The following SPAG17 variants were observed in gnomAD, a reference collection of about 807,000 sequenced individuals.
The protein encoded by SPAG17 is sperm-associated antigen 17.
In SPAG17, 169 loss-of-function variants were observed where a neutral mutation model predicts 273.6. The observed-to-expected ratio is 0.62, with a 90% CI of 0.55 to 0.70. The LOEUF is 0.70. SPAG17 is among the 30% of genes least tolerant of loss of function. The pLI is 0.00. For missense variants in SPAG17, 2,557 were observed against 2,627.8 expected, an observed-to-expected ratio of 0.97 and a Z score of 0.59; for synonymous variants, 825 against 873.2, an observed-to-expected ratio of 0.94 and a Z score of 0.97.
At chr1:118,096,866 G>A (rs559954062) in intron 7 of SPAG17, among the ~76,000 whole-genome samples, 1 of 152,232 alleles carries the variant, frequency 6.6e-6, no homozygotes, top group African/African-American at 2.4e-5. Context: ...CCACTCTTGG[G>A]AAATGCCTGA....
chr1:118,138,487 C>T (rs1013850446), intron 3 of SPAG17, among the ~76,000 whole-genome samples: 38 of 152,136 alleles, frequency 2.5e-4, no homozygotes, highest in African/African-American at 8.2e-4. Flanking sequence ...AAATGTTGAC[C>T]TATATTTATA....
chr1:118,059,762 T>G (rs1286914736), intron 18 of SPAG17, among the ~76,000 whole-genome samples: 1 of 152,090 alleles, frequency 6.6e-6, no homozygotes, highest in Non-Finnish European at 1.5e-5. Context: ...ACAACCTTGA[T>G]CTCTTTTAGT....
intron 42 of SPAG17, 74 bp from the exon 43 acceptor site, chr1:117,981,475 A>C: frequency 6.9e-7 from 1 of 1,439,748 alleles, no homozygotes. Flanking sequence ...GTTTGCATGA[A>C]CAAACATTGA....
At position 117,963,833 on chromosome 1, in the gene SPAG17, C is replaced by G. The variant is rs114407595; in HGVS notation, c.6638G>C (p.Gly2213Ala). 1 of 1,613,762 alleles carries G rather than the reference C, an allele frequency of 6.2e-7. No individual in the cohort carries two copies. Residue 2213 changes from glycine to alanine, a missense_variant, in exon 48 of 49, where the codon GGA (glycine) becomes GCA (alanine). Coordinates refer to ENST00000336338, the MANE Select transcript of SPAG17 (RefSeq NM_206996.4). ...RTSTIYSSTL[G>A]VFMSRKVSPH ...AGAAACTTTACGAGACATGAAGACT[C>G]CAAGTGTGGAGGAATAAATTGTAGA...
chr1:118,001,739 C>T (rs544588607), intron 32 of SPAG17, among the ~76,000 whole-genome samples: 4 of 152,096 alleles, frequency 2.6e-5, no homozygotes, highest in African/African-American at 4.8e-5. Context: ...TCCTAATGGT[C>T]TATCAATTTT....
chr1:118,077,356 A>G (rs1571422479), intron 15 of SPAG17, among the ~76,000 whole-genome samples: 1 of 151,852 alleles, frequency 6.6e-6, no homozygotes, highest in Non-Finnish European at 1.5e-5. Flanking sequence ...CCTGAGATCC[A>G]CCCTCCAGAT....
chr1:118,080,710 A>G (rs1654479191), intron 15 of SPAG17, among the ~76,000 whole-genome samples: 1 of 152,206 alleles, frequency 6.6e-6, no homozygotes, highest in South Asian at 2.1e-4. Flanking sequence ...AGCCTGAGCC[A>G]TAAGTGGGAG....
chr1:118,042,167 T>A (rs1649845616), intron 20 of SPAG17, 125 bp from the exon 21 acceptor site: 2 of 1,145,538 alleles, frequency 1.7e-6, no homozygotes, highest in East Asian at 4.8e-5. Flanking sequence ...ATCAAAATAC[T>A]GAACTAGAAG....
chr1:118,058,288 G>A (rs1211884108), intron 18 of SPAG17, among the ~76,000 whole-genome samples: 1 of 152,092 alleles, frequency 6.6e-6, no homozygotes, highest in Non-Finnish European at 1.5e-5. Context: ...TCTCACAGGT[G>A]CCTCAAACTC....
chr1:117,972,101 A>G, intron 44 of SPAG17, 54 bp from the exon 45 acceptor site: 1 of 356,244 alleles, frequency 2.8e-6, no homozygotes, highest in Admixed American at 5.8e-5. Context: ...TCCCAAGATT[A>G]AAAAAAAAAA....
chr1:118,175,472 A>C (rs1233265872), intron 1 of SPAG17, among the ~76,000 whole-genome samples: 1 of 152,144 alleles, frequency 6.6e-6, no homozygotes, highest in Non-Finnish European at 1.5e-5. Flanking sequence ...AGCAAGAAAA[A>C]AAAGAAGCAA....
At chr1:118,040,552 T>C (rs1649623314) in intron 22 of SPAG17, among the ~76,000 whole-genome samples, 178 bp downstream of exon 22, 1 of 152,178 alleles carries the variant, frequency 6.6e-6, no homozygotes, top group Non-Finnish European at 1.5e-5. Context: ...CTATGCCTTG[T>C]AGAGTCAATT....
intron 44 of SPAG17, among the ~76,000 whole-genome samples, chr1:117,972,485 A>G (rs1557851309): frequency 1.3e-5 from 2 of 152,348 alleles, no homozygotes; most frequent in East Asian, 3.9e-4. Context: ...ACAAGTTCTT[A>G]GTGTTGGCAA....
At position 117,966,732 on chromosome 1, in the gene SPAG17, C is replaced by G. The variant is rs1268454524; in HGVS notation, c.6409G>C (p.Glu2137Gln). 1.2e-6 allele frequency: 2 copies of G among 1,612,806 alleles called. No individual in the cohort carries two copies. The highest frequency in any genetic ancestry group is 2.2e-5 in the East Asian group (1 of 44,826). ...GTGGCAAATAACTCTATATTCAGTT[C>G]TGTCTGCATACCAGCTGCCACCTAT... is the stretch of plus-strand genomic sequence containing the variant. ...PGPVAAGMQT[E>Q]LNIELFATAV... Residue 2137 changes from glutamate to glutamine, a missense_variant, in exon 47 of 49, where the codon GAA becomes CAA. Transcript: ENST00000336338.
Position 117,972,054 on chromosome 1 carries a change from A to G in SPAG17, c.6142-7T>C, listed in dbSNP as rs74114947. On this transcript the variant is annotated splice_region_variant and splice_polypyrimidine_tract_variant and intron_variant, in intron 44 of 48. Transcript: ENST00000336338. ...CTCCAACAGAATCTTGCACCTTTGC[A>G]TTAAGAAAAAATTAATAAAATGGTT... 5.0e-3 allele frequency: 8,014 copies of G among 1,595,086 alleles called. 288 individuals carry two copies. The African/African-American group carries it at 0.088, about 18-fold the overall frequency.
intron 3 of SPAG17, among the ~76,000 whole-genome samples, chr1:118,133,269 G>C (rs1297969493): frequency 6.6e-6 from 1 of 152,126 alleles, no homozygotes; most frequent in Non-Finnish European, 1.5e-5. Context: ...CCACAGTCCA[G>C]TTCTGGGTGG....
intron 7 of SPAG17, among the ~76,000 whole-genome samples, chr1:118,093,573 T>C (rs952308313): frequency 6.6e-6 from 1 of 152,182 alleles, no homozygotes; most frequent in Non-Finnish European, 1.5e-5. Context: ...AAGAGCCTAA[T>C]TAATGCTTCA....
chr1:118,143,233 A>G (rs1658776430), intron 3 of SPAG17, among the ~76,000 whole-genome samples: 1 of 152,248 alleles, frequency 6.6e-6, no homozygotes, highest in Non-Finnish European at 1.5e-5. Flanking sequence ...AGTAACTAGC[A>G]GTAGCTTATA....
At chr1:118,095,647 A>C (rs555231168) in intron 7 of SPAG17, among the ~76,000 whole-genome samples, 1 of 152,320 alleles carries the variant, frequency 6.6e-6, no homozygotes, top group African/African-American at 2.4e-5. Flanking sequence ...TGGAAGAGAG[A>C]GTAAGAAGCT....
Sources: allele counts gnomAD v4.1 joint callset (sites outside exome capture counted in the v4.1 genomes callset), GRCh38; gene constraint gnomAD v4.1.1; transcripts MANE v1.5; gene names NCBI Gene and HGNC (gene_info 2026-07-23, HGNC 2026-07-21).